The following PKIG variants were observed in gnomAD, a reference collection of about 807,000 sequenced individuals.
PKIG encodes the protein protein kinase (cAMP-dependent, catalytic) inhibitor gamma.
In PKIG, 1 loss-of-function variant was observed where a neutral mutation model predicts 6.8. That is an observed-to-expected ratio of 0.15 (90% CI 0.05 to 0.69). The LOEUF (loss-of-function observed/expected upper bound fraction) is 0.69. Ranked by LOEUF, PKIG falls within the 30% of genes least tolerant of loss-of-function variation. The pLI is 0.82. For missense variants in PKIG, 77 were observed against 104.0 expected (o/e 0.74, Z 1.13); for synonymous variants, 39 against 43.0 (o/e 0.91, Z 0.36).
At chr20:44,617,532 A>G (rs2065276524) in intron 3 of PKIG, among the ~76,000 whole-genome samples, 1 of 152,066 alleles carries the variant, frequency 6.6e-6, no homozygotes. Flanking sequence ...GGAAGCTGAA[A>G]GTGAGGAGAC....
chr20:44,574,357 CTG>C (rs2064878082), intron 1 of PKIG, among the ~76,000 whole-genome samples: 1 of 151,574 alleles, frequency 6.6e-6, no homozygotes, highest in Admixed American at 6.6e-5. Context: ...TTTTTTTTAA[CTG>C]TATTACAGAA....
intron 3 of PKIG, among the ~76,000 whole-genome samples, chr20:44,615,396 G>C (rs1041662911): frequency 6.6e-6 from 1 of 152,234 alleles, no homozygotes; most frequent in Non-Finnish European, 1.5e-5. Flanking sequence ...CTAAATGTGA[G>C]CGCCGGGAGG....
upstream of PKIG, among the ~76,000 whole-genome samples, chr20:44,581,801 G>A (rs892556477): frequency 6.6e-6 from 1 of 152,154 alleles, no homozygotes; most frequent in Non-Finnish European, 1.5e-5. Context: ...ACTTCTCCAG[G>A]GTTCTTCCTT....
intron 1 of PKIG, among the ~76,000 whole-genome samples, chr20:44,572,164 C>T (rs574418804): frequency 5.3e-5 from 8 of 152,098 alleles, no homozygotes; most frequent in East Asian, 1.9e-4. Flanking sequence ...CCACCACACC[C>T]GGCTAATTTT....
intron 2 of PKIG, among the ~76,000 whole-genome samples, chr20:44,605,640 G>A (rs575852790): frequency 1.3e-5 from 2 of 152,100 alleles, no homozygotes; most frequent in African/African-American, 4.8e-5. Flanking sequence ...GAGGCCAGGC[G>A]TGGTGGCTCA....
intron 1 of PKIG, among the ~76,000 whole-genome samples, chr20:44,537,734 C>A (rs1467207482): frequency 6.6e-6 from 1 of 150,840 alleles, no homozygotes; most frequent in African/African-American, 2.4e-5. Context: ...CACACCACCA[C>A]ACCGGCTATT....
At chr20:44,616,438 G>A (rs925272978) in intron 3 of PKIG, among the ~76,000 whole-genome samples, 2 of 152,198 alleles carry the variant, frequency 1.3e-5, no homozygotes, top group African/African-American at 2.4e-5. Context: ...CACTGGGCAC[G>A]CTGCCCTGGG....
intron 2 of PKIG, among the ~76,000 whole-genome samples, chr20:44,605,201 C>A (rs1189561899): frequency 6.6e-6 from 1 of 151,678 alleles, no homozygotes; most frequent in Non-Finnish European, 1.5e-5. Context: ...GCCAGGAGAT[C>A]GAGACCATCC....
At position 44,618,304 on chromosome 20, in the gene PKIG, C is replaced by A. The variant is rs776725519; in HGVS notation, c.171C>A (p.Ser57Arg). 20 of 1,612,134 alleles carry A rather than the reference C, an allele frequency of 1.2e-5. No homozygotes were observed. Among genetic ancestry groups the A allele is most frequent in the Non-Finnish European group, 5.9e-6 (7 of 1,178,348 alleles). The change falls in exon 4 of 4, where the codon AGC (serine) becomes AGA (arginine). Residue 57 changes from serine (S) to arginine (R), a missense_variant. Physicochemically the swap from Ser to Arg is moderately radical, Grantham distance 110. Transcript: ENST00000372886. ...LEGAEGQVEG[S>R]APDKEAGNQP... ...CTCCAGAAGGACAGGTGGAGGGAAG[C>A]GCCCCAGACAAGGAAGCTGGCAACC...
chr20:44,612,247 C>T (rs1487642811), intron 2 of PKIG, among the ~76,000 whole-genome samples: 1 of 152,110 alleles, frequency 6.6e-6, no homozygotes, highest in African/African-American at 2.4e-5. Context: ...CTTCATAATT[C>T]ACGCGATGCC....
chr20:44,590,099 C>T (rs751158919), intron 2 of PKIG, among the ~76,000 whole-genome samples: 11 of 151,622 alleles, frequency 7.3e-5, no homozygotes, highest in Non-Finnish European at 1.2e-4. Context: ...TTAATAGCAT[C>T]AGAAAGAAAA....
At chr20:44,547,303 A>G (rs1035470265) in intron 1 of PKIG, among the ~76,000 whole-genome samples, 1 of 152,244 alleles carries the variant, frequency 6.6e-6, no homozygotes, top group Admixed American at 6.5e-5. Flanking sequence ...AAAAGTAGAG[A>G]GAATGGTATA....
intron 1 of PKIG, among the ~76,000 whole-genome samples, chr20:44,566,519 A>G (rs2064812301): frequency 6.6e-6 from 1 of 152,198 alleles, no homozygotes; most frequent in African/African-American, 2.4e-5. Context: ...TCTTCTTTTC[A>G]TTCTATTCTA....
chr20:44,561,347 A>AT (rs2064765848), intron 1 of PKIG, among the ~76,000 whole-genome samples: 1 of 152,206 alleles, frequency 6.6e-6, no homozygotes, highest in Non-Finnish European at 1.5e-5. Context: ...AAAAAAAAAA[A>AT]GTCAGTAAGT....
At chr20:44,553,521 G>A (rs981828821) in intron 1 of PKIG, among the ~76,000 whole-genome samples, 14 of 152,130 alleles carry the variant, frequency 9.2e-5, no homozygotes, top group African/African-American at 2.9e-4. Flanking sequence ...AGAGAGGCCA[G>A]ACAGCACATT....
chr20:44,560,040 C>T lies in PKIG; in HGVS notation c.-240-22545C>T, dbSNP rs989255578. On this transcript the variant is annotated intron_variant, in intron 1 of 4. Transcript: ENST00000372887. The stretch of plus-strand genomic sequence containing the variant: ...CAACATTTTTTTCATGGGCAAAACC[C>T]GGAGAAGAAAATATGAAAAAAATAC... Among the ~76,000 whole-genome samples the T allele has an allele frequency of 5.6e-5, 8 of 143,504 alleles. No homozygotes were observed. In the East Asian group the frequency reaches 6.0e-4, roughly 11 times the overall value. 94.1% of individuals were successfully genotyped at this position (143,504 alleles called of 152,430 possible). A position where few individuals can be genotyped will look rare whatever the true frequency, so the allele number is the denominator to read the frequency against.
chr20:44,611,107 T>G (rs2065214708), intron 2 of PKIG, among the ~76,000 whole-genome samples: 2 of 147,228 alleles, frequency 1.4e-5, no homozygotes, highest in Non-Finnish European at 3.0e-5. Flanking sequence ...CAGGGTGGAG[T>G]GCAGTGGCGT....
At chr20:44,618,178 C>T in intron 3 of PKIG, 107 bp from the exon 4 acceptor site, 3 of 775,820 alleles carry the variant, frequency 3.9e-6, no homozygotes, top group Middle Eastern at 2.3e-4. Context: ...GTCTTGCTCC[C>T]CAGGGCATAT....
At position 44,618,635 on chromosome 20, in the gene PKIG, G is replaced by A. The variant is rs372387503; in HGVS notation, c.*271G>A. The A allele has an allele frequency of 1.8e-5, 7 of 379,880 alleles. No homozygotes were observed. The highest frequency in any genetic ancestry group is 7.8e-5 in the Admixed American group (2 of 25,618). The allele number at this position is 379,880 out of a possible 1,614,324, so 23.5% of individuals were successfully genotyped here. A position where few individuals can be genotyped will look rare whatever the true frequency, so the allele number is the denominator to read the frequency against. On this transcript the variant is annotated 3_prime_UTR_variant, in exon 4 of 4. Transcript: ENST00000372886. Reference sequence around the variant, plus strand: ...ACAAGATGTTATTTATTGAGCTGGCGCCGGGACTTGGGCGGGGCCTGCCCT... The same window carrying A: ...ACAAGATGTTATTTATTGAGCTGGCACCGGGACTTGGGCGGGGCCTGCCCT...
Sources: gnomAD v4.1 joint callset for allele counts (sites outside exome capture counted in the v4.1 genomes callset) on GRCh38, gnomAD v4.1.1 for gene constraint, MANE v1.5 for transcripts, NCBI Gene and HGNC (gene_info 2026-07-23, HGNC 2026-07-21) for gene names.